CGNL1: variants seen among roughly 807,000 people sequenced by gnomAD.
CGNL1 encodes cingulin like 1.
A neutral mutation model predicts 141.2 loss-of-function variants in CGNL1; 132 were observed. The observed-to-expected ratio is 0.93, with a 90% confidence interval of 0.81 to 1.08. The LOEUF (loss-of-function observed/expected upper bound fraction) is 1.08, where lower values mean the gene tolerates loss of function less well. CGNL1 is among the 50% of genes least tolerant of loss of function. The probability of loss-of-function intolerance (pLI) is 0.00; values close to 1 mark genes in which losing one functional copy is unlikely to be tolerated. For synonymous variants in CGNL1, 690 were observed against 622.1 expected (o/e 1.11, Z -1.63); for missense variants, 1,870 against 1,588.6 (o/e 1.18, Z -3.01).
chr15:57,458,654 A>G (rs2063408744), intron 7 of CGNL1, among the ~76,000 whole-genome samples: 1 of 152,232 alleles, frequency 6.6e-6, no homozygotes, highest in Admixed American at 6.5e-5. Context: ...CAGGGCCTGC[A>G]CTAAAGATGC....
intron 8 of CGNL1, among the ~76,000 whole-genome samples, chr15:57,472,451 T>C (rs1405100226): frequency 6.6e-6 from 1 of 152,052 alleles, no homozygotes; most frequent in Non-Finnish European, 1.5e-5. Context: ...GTGTGTGTAG[T>C]GTTTTTGTGG....
chr15:57,533,600 C>T (rs540976271), intron 14 of CGNL1, among the ~76,000 whole-genome samples: 1 of 152,274 alleles, frequency 6.6e-6, no homozygotes, highest in South Asian at 2.1e-4. Flanking sequence ...TTACAACAGA[C>T]CTTCAGTTCC....
intron 8 of CGNL1, among the ~76,000 whole-genome samples, chr15:57,474,990 G>C (rs1187092209): frequency 1.3e-5 from 2 of 152,180 alleles, no homozygotes; most frequent in Non-Finnish European, 1.5e-5. Flanking sequence ...CCTTGACCTT[G>C]ACCTTCACCT....
chr15:57,420,629 G>A (rs1179137530), intron 1 of CGNL1, among the ~76,000 whole-genome samples: 3 of 152,158 alleles, frequency 2.0e-5, no homozygotes, highest in Non-Finnish European at 4.4e-5. Context: ...CTTATGTACA[G>A]TACCTTTGCC....
At chr15:57,513,465 G>A (rs148992231) in intron 8 of CGNL1, among the ~76,000 whole-genome samples, 3 of 152,168 alleles carry the variant, frequency 2.0e-5, no homozygotes, top group African/African-American at 7.2e-5. Flanking sequence ...GCACTTATTG[G>A]ATACTGTGAA....
intron 14 of CGNL1, among the ~76,000 whole-genome samples, chr15:57,532,543 TC>T (rs1460793080): frequency 3.3e-5 from 5 of 152,336 alleles, no homozygotes; most frequent in African/African-American, 9.6e-5. Context: ...AGTTCCGTCA[TC>T]TATAACACGA....
chr15:57,394,531 G>A (rs1408416921), intron 1 of CGNL1, among the ~76,000 whole-genome samples: 4 of 152,284 alleles, frequency 2.6e-5, no homozygotes, highest in East Asian at 1.9e-4. Flanking sequence ...AATGGTGGGG[G>A]TAGGTTCAAA....
At chr15:57,505,716 C>T (rs913146958) in intron 8 of CGNL1, among the ~76,000 whole-genome samples, 12 of 152,102 alleles carry the variant, frequency 7.9e-5, no homozygotes, top group African/African-American at 2.9e-4. Context: ...TAGCATCGCT[C>T]CTGTGGCCAT....
rs146364655 is a variant in CGNL1, at chr15:57,442,889, G to C, written c.1803+411G>C. Among the ~76,000 whole-genome samples, 960 of 152,282 alleles carry C rather than the reference G, an allele frequency of 6.3e-3. 9 individuals are homozygous for C. The highest frequency in any genetic ancestry group is 0.022 in the African/African-American group (899 of 41,544). ...TCACGTTGGCCTCCCAAAGTGCTAG[G>C]ATTACAGGCGTAAGCCACCATGCTT... On this transcript the variant is annotated intron_variant, in intron 4 of 18. Transcript: ENST00000281282.
At chr15:57,523,307 C>G (rs1306099768) in intron 10 of CGNL1, among the ~76,000 whole-genome samples, 182 bp from the exon 11 acceptor site, 2 of 152,190 alleles carry the variant, frequency 1.3e-5, no homozygotes, top group East Asian at 3.9e-4. Context: ...CTATTTGGTC[C>G]TTGAATTTCA....
chr15:57,413,956 G>A (rs1445348535), intron 1 of CGNL1, among the ~76,000 whole-genome samples: 4 of 152,284 alleles, frequency 2.6e-5, no homozygotes, highest in African/African-American at 7.2e-5. Context: ...TGTAGTACCC[G>A]GGGCTATGGA....
chr15:57,514,971 CA>C (rs1375845232), intron 8 of CGNL1, among the ~76,000 whole-genome samples: 16 of 152,202 alleles, frequency 1.1e-4, no homozygotes, highest in African/African-American at 3.9e-4. Flanking sequence ...TGCCTTCCCT[CA>C]TGCCAGTACT....
intron 8 of CGNL1, among the ~76,000 whole-genome samples, chr15:57,484,277 C>T (rs1315121601): frequency 1.3e-5 from 2 of 152,052 alleles, no homozygotes; most frequent in African/African-American, 4.8e-5. Context: ...AATTCAGTTT[C>T]CTTAATAGTT....
intron 14 of CGNL1, among the ~76,000 whole-genome samples, chr15:57,532,226 A>G (rs1395321333): frequency 6.6e-6 from 1 of 152,216 alleles, no homozygotes; most frequent in Non-Finnish European, 1.5e-5. Flanking sequence ...TGTCTTGTAA[A>G]TGAAGGGCTG....
intron 3 of CGNL1, among the ~76,000 whole-genome samples, chr15:57,441,971 G>A (rs749014636): frequency 2.0e-5 from 3 of 152,014 alleles, no homozygotes; most frequent in Non-Finnish European, 2.9e-5. Flanking sequence ...TGTACAGCAT[G>A]TTTGTGTGTG....
At position 57,418,691 on chromosome 15, in the gene CGNL1, G is replaced by A. The variant is rs1335377632; in HGVS notation, c.-15-19294G>A. On this transcript the variant is annotated intron_variant, in intron 1 of 18. Coordinates refer to ENST00000281282, the MANE Select transcript of CGNL1 (RefSeq NM_032866.5). ...GGAGACTTACTGGGCTTCTCTTTATGTACCTGTGATGTGATGCTGTGTGTT... is the reference window on the plus strand; with the variant it reads ...GGAGACTTACTGGGCTTCTCTTTATATACCTGTGATGTGATGCTGTGTGTT... Among the ~76,000 whole-genome samples the A allele has an allele frequency of 3.9e-5, 6 of 152,264 alleles. No individual in the cohort carries two copies. In the East Asian group the frequency reaches 1.2e-3, roughly 29 times the overall value.
chr15:57,546,011 G>A, intron 17 of CGNL1, 65 bp from the exon 18 acceptor site: 1 of 1,551,904 alleles, frequency 6.4e-7, no homozygotes, highest in Non-Finnish European at 8.7e-7. Context: ...GCTGGACCTG[G>A]GGTAAGCTGA....
intron 1 of CGNL1, among the ~76,000 whole-genome samples, chr15:57,387,191 A>G (rs1201451825): frequency 6.6e-6 from 1 of 152,188 alleles, no homozygotes; most frequent in African/African-American, 2.4e-5. Context: ...ATTTCATGCA[A>G]TAGATGGCCT....
intron 6 of CGNL1, among the ~76,000 whole-genome samples, chr15:57,452,658 G>C (rs1302936241): frequency 6.6e-6 from 1 of 151,482 alleles, no homozygotes. Flanking sequence ...GCCCCCGTGA[G>C]CTCTCAGCCT....
Sources: allele counts gnomAD v4.1 joint callset (sites outside exome capture counted in the v4.1 genomes callset), GRCh38; gene constraint gnomAD v4.1.1; transcripts MANE v1.5; gene names NCBI Gene and HGNC (gene_info 2026-07-23, HGNC 2026-07-21).